CUX2: variants seen among roughly 807,000 people sequenced by gnomAD.
CUX2 encodes the protein homeobox protein cut-like 2.
CUX2 carries 40 observed loss-of-function variants against 144.8 expected under a neutral mutation model. The ratio of observed to expected loss-of-function variants is 0.28; its 90% CI spans 0.21 to 0.36. The LOEUF (loss-of-function observed/expected upper bound fraction) is 0.36, where lower values mean the gene tolerates loss of function less well. CUX2 is among the 10% of genes least tolerant of loss of function. The pLI, the probability that CUX2 is intolerant of heterozygous loss-of-function variation, is 1.00. For synonymous variants in CUX2, 827 were observed against 875.6 expected, an observed-to-expected ratio of 0.94 and a Z score of 0.98; for missense variants, 1,615 against 1,994.0, an observed-to-expected ratio of 0.81 and a Z score of 3.62.
Position 111,034,311 on chromosome 12 carries a change from T to G in CUX2, c.63+71T>G. 1.9e-5 allele frequency: 18 copies of G among 933,098 alleles called. No homozygotes were observed. The highest frequency in any genetic ancestry group is 3.8e-5 in the African/African-American group (2 of 52,218). The allele number at this position is 933,098 out of a possible 1,614,324, so 57.8% of individuals were successfully genotyped here. A position where few individuals can be genotyped will look rare whatever the true frequency, so the allele number is the denominator to read the frequency against. ...GCGCGCCCTGGGCGCATTGGGGAGGTCCCCGGGCGGGCAGGCGGACGCCCT... is the reference window on the plus strand; with the variant it reads ...GCGCGCCCTGGGCGCATTGGGGAGGGCCCCGGGCGGGCAGGCGGACGCCCT... On this transcript the variant is annotated intron_variant, in intron 1 of 21. Transcript: ENST00000261726. This position sits in a 1 kb window ranked among gnomAD's most constrained non-coding sequence, Gnocchi z 4.2.
At chr12:111,179,645 G>A (rs908287516) in intron 1 of CUX2, among the ~76,000 whole-genome samples, 1 of 151,228 alleles carries the variant, frequency 6.6e-6, no homozygotes, top group African/African-American at 2.4e-5. Context: ...CTTTAGTTTC[G>A]TGTATGACAT....
In CUX2 at chr12:111,034,174, C is replaced by T. The variant is rs767663899; in HGVS notation, c.-4C>T. The T allele has an allele frequency of 7.1e-7, 1 of 1,400,164 alleles. No homozygotes were observed. The highest frequency in any genetic ancestry group is 1.2e-5 in the South Asian group (1 of 86,630). The allele number at this position is 1,400,164 out of a possible 1,614,324, so 86.7% of individuals were successfully genotyped here. On this transcript the variant is annotated 5_prime_UTR_variant, in exon 1 of 22. Transcript: ENST00000261726. The surrounding 1 kb of genome is among the most constrained non-coding windows in gnomAD (Gnocchi z 4.2). ...TGTGTGTGCGCGTCTCGATAGCCCC[C>T]AAGATGGCCGCCAATGTGGGATCGA... is the stretch of plus-strand genomic sequence containing the variant.
intron 1 of CUX2, among the ~76,000 whole-genome samples, chr12:111,093,043 T>TG (rs1872632100): frequency 6.6e-6 from 1 of 152,150 alleles, no homozygotes; most frequent in African/African-American, 2.4e-5. Context: ...CTCGAATTCC[T>TG]GGGCTCAAGA....
intron 5 of CUX2, among the ~76,000 whole-genome samples, chr12:111,292,649 C>T (rs1592926745): frequency 6.6e-6 from 1 of 152,054 alleles, no homozygotes; most frequent in Non-Finnish European, 1.5e-5. Flanking sequence ...GGAAAGGCCA[C>T]GTAATGTACG....
At chr12:111,080,834 G>A (rs1407817074) in intron 1 of CUX2, among the ~76,000 whole-genome samples, 2 of 152,074 alleles carry the variant, frequency 1.3e-5, no homozygotes, top group East Asian at 3.9e-4. Context: ...GGCACTTCCT[G>A]GTATATAATA....
chr12:111,072,255 A>C (rs981979982), intron 1 of CUX2, among the ~76,000 whole-genome samples: 1 of 152,234 alleles, frequency 6.6e-6, no homozygotes, highest in Admixed American at 6.5e-5. Flanking sequence ...AACATGGACT[A>C]TCTCCCCATC....
intron 1 of CUX2, among the ~76,000 whole-genome samples, chr12:111,145,038 C>T (rs972946483): frequency 6.6e-6 from 1 of 152,178 alleles, no homozygotes; most frequent in East Asian, 1.9e-4. Context: ...CATCTCACCT[C>T]CTAGCCTCCA....
intron 4 of CUX2, among the ~76,000 whole-genome samples, chr12:111,275,977 A>G (rs1884854420): frequency 6.6e-6 from 1 of 152,050 alleles, no homozygotes; most frequent in African/African-American, 2.4e-5. Flanking sequence ...TGGTTGAAGC[A>G]CCTTCTACTT....
At chr12:111,317,850 A>T (rs74845838) in intron 16 of CUX2, among the ~76,000 whole-genome samples, 1 of 152,026 alleles carries the variant, frequency 6.6e-6, no homozygotes, top group Non-Finnish European at 1.5e-5. Context: ...ACAAAAAAAA[A>T]TTAGCCAGGC....
chr12:111,267,741 G>A (rs1006881712), intron 4 of CUX2, among the ~76,000 whole-genome samples: 1 of 152,142 alleles, frequency 6.6e-6, no homozygotes, highest in African/African-American at 2.4e-5. Flanking sequence ...GTGGCTCCAG[G>A]TGTCCCTTGG....
At chr12:111,067,035 C>T (rs985294910) in intron 1 of CUX2, among the ~76,000 whole-genome samples, 2 of 152,194 alleles carry the variant, frequency 1.3e-5, no homozygotes, top group Non-Finnish European at 2.9e-5. Flanking sequence ...TTGGAGAAGT[C>T]AGGCTGGGGA....
intron 10 of CUX2, among the ~76,000 whole-genome samples, chr12:111,305,044 A>G (rs1886505764): frequency 6.6e-6 from 1 of 152,206 alleles, no homozygotes; most frequent in Admixed American, 6.5e-5. Flanking sequence ...GGCCTGATTA[A>G]TCAATTCATC....
chr12:111,246,579 G>A lies in CUX2; in HGVS notation c.223-17182G>A, dbSNP rs553824131. Among the ~76,000 whole-genome samples, 92 of 152,246 alleles carry A rather than the reference G, an allele frequency of 6.0e-4. No homozygotes were observed. Among genetic ancestry groups the A allele is most frequent in the African/African-American group, 2.0e-3 (85 of 41,542 alleles). On this transcript the variant is annotated intron_variant, in intron 3 of 21. Transcript: ENST00000261726. The surrounding 1 kb of genome is among the most constrained non-coding windows in gnomAD (Gnocchi z 4.0). ...TTTTATGCAAAAAACAAAAATCTCC[G>A]GATTCTTAAAGATTGGCTAACATCA...
chr12:111,306,762 T>G lies in CUX2; in HGVS notation c.859-159T>G, dbSNP rs1886604790. On this transcript the variant is annotated intron_variant, in intron 10 of 21. Transcript: ENST00000261726. ...TACATAAGGAAAAGTGTACAAGTCA[T>G]AAGTATACAACACTTTGAATTTTTC... Among the ~76,000 whole-genome samples, 4 of 152,194 alleles carry G rather than the reference T, an allele frequency of 2.6e-5. No individual in the cohort carries two copies. The South Asian group carries it at 8.3e-4, about 31-fold the overall frequency.
At chr12:111,139,774 G>A (rs549383164) in intron 1 of CUX2, among the ~76,000 whole-genome samples, 5 of 152,300 alleles carry the variant, frequency 3.3e-5, no homozygotes, top group South Asian at 4.2e-4. Flanking sequence ...TAGGATAAGC[G>A]TTCAGAACAA....
At chr12:111,089,522 A>T (rs938019659) in intron 1 of CUX2, among the ~76,000 whole-genome samples, 2 of 152,202 alleles carry the variant, frequency 1.3e-5, no homozygotes, top group Non-Finnish European at 2.9e-5. Flanking sequence ...TTACCCCTCC[A>T]GGCCCTACAG....
chr12:111,076,472 C>T (rs1264643150), intron 1 of CUX2, among the ~76,000 whole-genome samples: 1 of 152,236 alleles, frequency 6.6e-6, no homozygotes, highest in African/African-American at 2.4e-5. Flanking sequence ...AAAGCTCACA[C>T]AGCCAGGAAG....
chr12:111,348,006 A>C lies in CUX2; in HGVS notation c.4142A>C (p.Lys1381Thr). ...ERLHPDPLSF[K>T]SASESSRCSL... ...CTTCACCCGGACCCTTTAAGTTTTA[A>C]GTCAGCCTCAGAGTCCTCACGCTGC... The change falls in exon 22 of 22, where the codon AAG (lysine) becomes ACG (threonine). Residue 1381 changes from lysine (K) to threonine (T), a missense_variant. Coordinates refer to ENST00000261726, the MANE Select transcript of CUX2 (RefSeq NM_015267.4). 1.2e-6 allele frequency: 2 copies of C among 1,614,066 alleles called. No individual in the cohort carries two copies. The highest frequency in any genetic ancestry group is 1.1e-5 in the South Asian group (1 of 91,068).
At chr12:111,324,713 TG>T in intron 18 of CUX2, among the ~76,000 whole-genome samples, 2 of 152,036 alleles carry the variant, frequency 1.3e-5, no homozygotes, top group Non-Finnish European at 2.9e-5. Context: ...TTGGTCAGGC[TG>T]GTCTTGAACT....
Sources: allele counts gnomAD v4.1 joint callset (sites outside exome capture counted in the v4.1 genomes callset), GRCh38; gene constraint gnomAD v4.1.1; non-coding constraint Gnocchi (gnomAD v3.1); transcripts MANE v1.5; gene names NCBI Gene and HGNC (gene_info 2026-07-23, HGNC 2026-07-21).